BTRC: variants seen among roughly 807,000 people sequenced by gnomAD.
BTRC encodes beta-transducin repeat containing E3 ubiquitin protein ligase, also known as F-box/WD repeat-containing protein 1A.
Under a neutral mutation model 85.5 loss-of-function variants are expected in BTRC, and 42 were observed. That is an observed-to-expected ratio of 0.49 (90% CI 0.38 to 0.64). The LOEUF (loss-of-function observed/expected upper bound fraction) is 0.64. Ranked by LOEUF, BTRC falls within the 30% of genes least tolerant of loss-of-function variation. BTRC has a pLI of 0.00. For missense variants in BTRC, 594 were observed against 743.5 expected, an observed-to-expected ratio of 0.80 and a Z score of 2.34; for synonymous variants, 255 against 263.3, an observed-to-expected ratio of 0.97 and a Z score of 0.30.
intron 3 of BTRC, among the ~76,000 whole-genome samples, chr10:101,469,652 T>C (rs1266732262): frequency 3.3e-5 from 5 of 152,228 alleles, no homozygotes; most frequent in Non-Finnish European, 5.9e-5. Flanking sequence ...CAGATATTAA[T>C]TGTATAAGTC....
chr10:101,390,553 C>T (rs918814595), intron 1 of BTRC, among the ~76,000 whole-genome samples: 3 of 151,988 alleles, frequency 2.0e-5, no homozygotes, highest in Non-Finnish European at 2.9e-5. Context: ...AGGATGGTCT[C>T]AACCTCCTGA....
intron 1 of BTRC, among the ~76,000 whole-genome samples, chr10:101,356,836 A>G (rs1942047428): frequency 6.6e-6 from 1 of 152,168 alleles, no homozygotes; most frequent in Non-Finnish European, 1.5e-5. Flanking sequence ...AGTCAGTTTT[A>G]AGAAAGGAAG....
intron 13 of BTRC, among the ~76,000 whole-genome samples, chr10:101,538,891 TAAAA>T (rs899484314): frequency 6.7e-6 from 1 of 148,840 alleles, no homozygotes; most frequent in East Asian, 2.0e-4. Context: ...CTGCTAAAAA[TAAAA>T]AAAAAATTAG....
intron 3 of BTRC, among the ~76,000 whole-genome samples, chr10:101,478,001 C>T (rs1168872735): frequency 6.6e-6 from 1 of 152,064 alleles, no homozygotes; most frequent in Non-Finnish European, 1.5e-5. Flanking sequence ...TAAGGGATAA[C>T]TTCTAAGGTC....
chr10:101,538,234 C>T (rs778039161), intron 12 of BTRC, 59 bp from the exon 13 acceptor site: 4 of 1,379,752 alleles, frequency 2.9e-6, no homozygotes, highest in Non-Finnish European at 4.1e-6. Context: ...TGCTATTCTT[C>T]CCTGCCTTCT....
chr10:101,556,944 C>T lies in BTRC; in HGVS notation c.*3821C>T, dbSNP rs569799336. On this transcript the variant is annotated 3_prime_UTR_variant, in exon 15 of 15. Coordinates refer to ENST00000370187, the MANE Select transcript of BTRC (RefSeq NM_033637.4). The stretch of plus-strand genomic sequence containing the variant: ...TGTTACCTCCCCTCCTAACCCTTCC[C>T]CTTCTTGGACACTGAAGGAAAAGGC... The T allele has an allele frequency of 6.6e-6, 1 of 152,348 alleles. No individual in the cohort carries two copies. Among genetic ancestry groups the T allele is most frequent in the Admixed American group, 6.5e-5 (1 of 15,308 alleles). The allele number at this position is 152,348 out of a possible 1,614,324, so 9.4% of individuals were successfully genotyped here.
intron 1 of BTRC, among the ~76,000 whole-genome samples, chr10:101,371,274 C>T (rs1029937668): frequency 4.6e-5 from 7 of 151,870 alleles, no homozygotes; most frequent in East Asian, 1.9e-4. Flanking sequence ...CTGCAGACTC[C>T]GCCAAGCAAT....
intron 14 of BTRC, among the ~76,000 whole-genome samples, chr10:101,552,188 T>C (rs932434876): frequency 6.6e-6 from 1 of 151,872 alleles, no homozygotes; most frequent in Non-Finnish European, 1.5e-5. Flanking sequence ...CATTTTATTT[T>C]ATTTTATTTT....
chr10:101,423,361 TA>T (rs1944160139), intron 1 of BTRC, among the ~76,000 whole-genome samples: 1 of 152,228 alleles, frequency 6.6e-6, no homozygotes, highest in South Asian at 2.1e-4. Context: ...CAGAGAATGT[TA>T]TACAGATGCA....
At chr10:101,447,199 G>A (rs953135480) in intron 2 of BTRC, among the ~76,000 whole-genome samples, 1 of 152,076 alleles carries the variant, frequency 6.6e-6, no homozygotes, top group Non-Finnish European at 1.5e-5. Context: ...TGCTCTTTTG[G>A]CAATTACATG....
At chr10:101,446,670 A>G (rs927573501) in intron 2 of BTRC, among the ~76,000 whole-genome samples, 4 of 152,170 alleles carry the variant, frequency 2.6e-5, no homozygotes, top group Admixed American at 6.5e-5. Flanking sequence ...GCAATATTCA[A>G]CACCATCAAA....
intron 3 of BTRC, among the ~76,000 whole-genome samples, chr10:101,471,950 G>T (rs1287758051): frequency 1.3e-5 from 2 of 152,004 alleles, no homozygotes; most frequent in Non-Finnish European, 2.9e-5. Flanking sequence ...GCCTCTTTCG[G>T]CAGGCTTCCA....
chr10:101,498,298 CAT>C (rs1946315015), intron 4 of BTRC, among the ~76,000 whole-genome samples: 1 of 151,942 alleles, frequency 6.6e-6, no homozygotes, highest in African/African-American at 2.4e-5. Context: ...GGACCACAGA[CAT>C]GTGCCACCAC....
chr10:101,441,450 C>T (rs1288867894), intron 2 of BTRC, among the ~76,000 whole-genome samples: 3 of 152,238 alleles, frequency 2.0e-5, no homozygotes, highest in Non-Finnish European at 2.9e-5. Flanking sequence ...CATCTAGTCA[C>T]ATACGTCTCA....
rs544525412 is a variant in BTRC, at chr10:101,553,753, T to G, written c.*630T>G. 5.6e-4 allele frequency: 85 copies of G among 153,064 alleles called. No homozygotes were observed. The highest frequency in any genetic ancestry group is 1.2e-3 in the Non-Finnish European group (79 of 68,280). 9.5% of individuals were successfully genotyped at this position (153,064 alleles called of 1,614,324 possible). On this transcript the variant is annotated 3_prime_UTR_variant, in exon 15 of 15. Coordinates refer to ENST00000370187, the MANE Select transcript of BTRC (RefSeq NM_033637.4). ...GGAAGATTTGGGCCTCCTGCCTGCC[T>G]TCTCTTTGTTTCTGTTCCTCTTCCC...
At chr10:101,477,184 A>G (rs550598767) in intron 3 of BTRC, among the ~76,000 whole-genome samples, 16 of 151,958 alleles carry the variant, frequency 1.1e-4, no homozygotes, top group African/African-American at 3.4e-4. Context: ...TATTTTTAGT[A>G]GAGACGGGGT....
intron 3 of BTRC, among the ~76,000 whole-genome samples, chr10:101,474,901 G>C (rs1250981660): frequency 6.6e-6 from 1 of 152,156 alleles, no homozygotes; most frequent in Admixed American, 6.5e-5. Context: ...ATCTGCAAGA[G>C]GGTTTATCTG....
Position 101,550,869 on chromosome 10 carries a change from A to T in BTRC, c.*9A>T, listed in dbSNP as rs750626654. On this transcript the variant is annotated 3_prime_UTR_variant, in exon 14 of 15. Coordinates refer to ENST00000370187, the MANE Select transcript of BTRC (RefSeq NM_033637.4). The stretch of plus-strand genomic sequence containing the variant: ...CCTACATCTCCAGATAAATAACCAT[A>T]CACTGACCTCATACTTGCCCAGGTA... 3.1e-6 allele frequency: 5 copies of T among 1,607,244 alleles called. No individual in the cohort carries two copies. Among genetic ancestry groups the T allele is most frequent in the Non-Finnish European group, 4.3e-6 (5 of 1,174,332 alleles).
chr10:101,400,586 T>A (rs780667745), intron 1 of BTRC, among the ~76,000 whole-genome samples: 6 of 152,200 alleles, frequency 3.9e-5, no homozygotes, highest in East Asian at 1.9e-4. Context: ...GTTTGCCTCC[T>A]CTCCCTGTCA....
Sources: gnomAD v4.1 joint callset for allele counts (sites outside exome capture counted in the v4.1 genomes callset) on GRCh38, gnomAD v4.1.1 for gene constraint, MANE v1.5 for transcripts, NCBI Gene and HGNC (gene_info 2026-07-23, HGNC 2026-07-21) for gene names.